The following USP32 variants were observed in gnomAD, a reference collection of about 807,000 sequenced individuals.
The protein encoded by USP32 is ubiquitin specific peptidase 32.
In USP32, 59 loss-of-function variants were observed where a neutral mutation model predicts 204.8. The ratio of observed to expected loss-of-function variants is 0.29; its 90% confidence interval spans 0.23 to 0.36. The LOEUF is 0.36. Ranked by LOEUF, USP32 falls within the 10% of genes least tolerant of loss-of-function variation. The pLI is 1.00. For missense variants in USP32, 1,160 were observed against 1,946.4 expected, an observed-to-expected ratio of 0.60 and a Z score of 7.60; for synonymous variants, 517 against 678.4, an observed-to-expected ratio of 0.76 and a Z score of 3.70.
At chr17:60,238,803 C>CAAA (rs562875704) in intron 11 of USP32, among the ~76,000 whole-genome samples, 61 of 95,756 alleles carry the variant, frequency 6.4e-4, no homozygotes, top group South Asian at 1.3e-3. Context: ...GACTCCATCT[C>CAAA]AAAAAAAAAA....
At chr17:60,406,135 T>TGGTCTTGTGA (rs2089973579) in intron 1 of USP32, among the ~76,000 whole-genome samples, 1 of 128,138 alleles carries the variant, frequency 7.8e-6, no homozygotes, top group African/African-American at 3.0e-5. Flanking sequence ...CCAGCCTGGG[T>TGGTCTTGTGA]GACAGTGCAA....
chr17:60,290,680 C>G lies in USP32; in HGVS notation c.412-1998G>C, dbSNP rs183440168. Among the ~76,000 whole-genome samples, 198 of 152,056 alleles carry G rather than the reference C, an allele frequency of 1.3e-3. 1 individual carries two copies. Among genetic ancestry groups the G allele is most frequent in the African/African-American group, 4.5e-3 (187 of 41,470 alleles). ...TTGTAATCTCCAAAGTGATAAATGA[C>G]TCTGCATGCTAATGAATGGACCCCA... is the stretch of plus-strand genomic sequence containing the variant. On this transcript the variant is annotated intron_variant, in intron 4 of 33. Coordinates refer to ENST00000300896, the MANE Select transcript of USP32 (RefSeq NM_032582.4).
chr17:60,340,065 A>T lies in USP32; in HGVS notation c.186+5416T>A, dbSNP rs143053128. On this transcript the variant is annotated intron_variant, in intron 2 of 33. Transcript: ENST00000300896. ...AAGAATAATGATGCTCTGTTTACTCAGACTTAAAGGTCCAAGCTCTCCATA... is the reference window on the plus strand; with the variant it reads ...AAGAATAATGATGCTCTGTTTACTCTGACTTAAAGGTCCAAGCTCTCCATA... Among the ~76,000 whole-genome samples the T allele has an allele frequency of 2.0e-4, 30 of 152,322 alleles. No individual in the cohort carries two copies. The East Asian group carries it at 5.8e-3, about 29-fold the overall frequency.
At position 60,417,914 on chromosome 17, in the gene USP32, T is replaced by C. The variant is rs192179691; in HGVS notation, c.106+4332A>G. Among the ~76,000 whole-genome samples the C allele has an allele frequency of 1.9e-4, 28 of 147,744 alleles. No homozygotes were observed. The East Asian group carries it at 5.6e-3, about 29-fold the overall frequency. On this transcript the variant is annotated intron_variant, in intron 1 of 3. Transcript: ENST00000588898. ...AAGCGATTCTCCTGCCTCAGCCTCC[T>C]GAGTAGCTGGGGCTACAGGCGTCCA...
intron 5 of USP32, among the ~76,000 whole-genome samples, chr17:60,271,908 C>T (rs1299946838): frequency 6.6e-6 from 1 of 151,776 alleles, no homozygotes. Flanking sequence ...AATTCCTGGG[C>T]TCAAGCCATC....
intron 1 of USP32, among the ~76,000 whole-genome samples, chr17:60,363,234 T>G (rs998725095): frequency 5.3e-5 from 8 of 151,774 alleles, no homozygotes; most frequent in Non-Finnish European, 1.0e-4. Context: ...GCGGGCAGAT[T>G]GCCTGAGCTC....
chr17:60,178,210 T>C lies in USP32; in HGVS notation c.*1045A>G, dbSNP rs564336325. Among the ~76,000 whole-genome samples the C allele has an allele frequency of 6.6e-6, 1 of 152,244 alleles. No individual in the cohort carries two copies. Among genetic ancestry groups the C allele is most frequent in the Non-Finnish European group, 1.5e-5 (1 of 68,046 alleles). ...CCTAATGTCTGGGATGTGTTTTGTTTGTAATTTATAGCCCTTAGAGCCATC... is the reference window on the plus strand; with the variant it reads ...CCTAATGTCTGGGATGTGTTTTGTTCGTAATTTATAGCCCTTAGAGCCATC... On this transcript the variant is annotated 3_prime_UTR_variant, in exon 34 of 34. Transcript: ENST00000300896.
chr17:60,227,065 A>AT (rs57025255), intron 12 of USP32, among the ~76,000 whole-genome samples: 9,394 of 145,278 alleles, frequency 0.065, 1,098 homozygotes, highest in African/African-American at 0.22. Flanking sequence ...AAAAAATCAT[A>AT]TTTTTTTCTT....
intron 1 of USP32, among the ~76,000 whole-genome samples, chr17:60,354,018 C>T (rs1165761385): frequency 1.3e-5 from 2 of 152,166 alleles, no homozygotes; most frequent in African/African-American, 4.8e-5. Flanking sequence ...CAACTATACT[C>T]TTTACTTCCA....
chr17:60,405,979 G>A (rs1178910560), intron 1 of USP32, among the ~76,000 whole-genome samples: 3 of 151,638 alleles, frequency 2.0e-5, no homozygotes, highest in African/African-American at 4.8e-5. Context: ...ATAGTTAGAC[G>A]CCACCTCTCC....
At position 60,179,410 on chromosome 17, in the gene USP32, T is replaced by C. The variant is rs1438251008; in HGVS notation, c.4660A>G (p.Ile1554Val). The change falls in exon 34 of 34, where the codon ATT (isoleucine) becomes GTT (valine). Residue 1554 changes from isoleucine (I) to valine (V), a missense_variant. Physicochemically the swap from Ile to Val is conservative, Grantham distance 29. Coordinates refer to ENST00000300896, the MANE Select transcript of USP32 (RefSeq NM_032582.4). ...AGAATGTAGGCAGAGTCGGTGTCAA[T>C]TTCATCCGGGTGAAGTTCCTGAAAG... ...SSCKELHPDE[I>V]DTDSAYILFY... is the part of the protein sequence containing the mutation. 7.4e-6 allele frequency: 12 copies of C among 1,612,228 alleles called. No individual in the cohort carries two copies. Among genetic ancestry groups the C allele is most frequent in the African/African-American group, 1.3e-5 (1 of 74,866 alleles).
At chr17:60,384,445 G>A (rs913894738) in intron 1 of USP32, among the ~76,000 whole-genome samples, 1 of 152,176 alleles carries the variant, frequency 6.6e-6, no homozygotes, top group African/African-American at 2.4e-5. Context: ...ACATGTTATA[G>A]GCAAGGTTTC....
intron 1 of USP32, among the ~76,000 whole-genome samples, chr17:60,371,460 T>C (rs1198961658): frequency 6.6e-6 from 1 of 151,158 alleles, no homozygotes; most frequent in Non-Finnish European, 1.5e-5. Flanking sequence ...TCCCAGCTAC[T>C]CAGGAAGCTG....
intron 5 of USP32, among the ~76,000 whole-genome samples, chr17:60,280,879 C>T (rs2086951966): frequency 6.6e-6 from 1 of 152,144 alleles, no homozygotes; most frequent in Admixed American, 6.5e-5. Context: ...AATTGTAAAC[C>T]TAACCATGTC....
At chr17:60,182,555 G>A (rs1005354358) in intron 31 of USP32, among the ~76,000 whole-genome samples, 1 of 152,166 alleles carries the variant, frequency 6.6e-6, no homozygotes, top group Non-Finnish European at 1.5e-5. Context: ...TTGGGCACAG[G>A]AGTTCGAGCC....
intron 5 of USP32, among the ~76,000 whole-genome samples, chr17:60,287,284 A>G (rs1457201156): frequency 6.6e-6 from 1 of 152,152 alleles, no homozygotes; most frequent in Non-Finnish European, 1.5e-5. Context: ...AAATCAGAAA[A>G]TTTTTAAATC....
intron 1 of USP32, among the ~76,000 whole-genome samples, chr17:60,401,224 G>A (rs1379215930): frequency 1.3e-5 from 2 of 151,726 alleles, no homozygotes; most frequent in Non-Finnish European, 2.9e-5. Context: ...GGGGGGCCAA[G>A]GTGGGCGTGG....
intron 1 of USP32, among the ~76,000 whole-genome samples, chr17:60,348,722 C>T (rs1173173082): frequency 6.6e-6 from 1 of 151,458 alleles, no homozygotes; most frequent in Admixed American, 6.6e-5. Context: ...GGGCCATGAT[C>T]GTGCCACTGC....
intron 16 of USP32, among the ~76,000 whole-genome samples, chr17:60,216,865 A>T (rs2085117182): frequency 6.6e-6 from 1 of 152,208 alleles, no homozygotes; most frequent in African/African-American, 2.4e-5. Flanking sequence ...AAAGAAAACA[A>T]AAGAGCAAAT....
Sources: gnomAD v4.1 joint callset for allele counts (sites outside exome capture counted in the v4.1 genomes callset) on GRCh38, gnomAD v4.1.1 for gene constraint, MANE v1.5 for transcripts, NCBI Gene and HGNC (gene_info 2026-07-23, HGNC 2026-07-21) for gene names.